SPOCK3: variants seen among roughly 807,000 people sequenced by gnomAD.
SPOCK3 encodes testican-3.
A neutral mutation model predicts 56.6 loss-of-function variants in SPOCK3; 30 were observed. The observed-to-expected ratio is 0.53, with a 90% confidence interval of 0.40 to 0.72. The LOEUF (loss-of-function observed/expected upper bound fraction) is 0.72, where lower values mean the gene tolerates loss of function less well. Among genes scored for constraint, SPOCK3 ranks in the 30% least tolerant of loss-of-function variants. SPOCK3 has a pLI of 0.00. For missense variants in SPOCK3, 527 were observed against 530.0 expected (o/e 0.99, Z 0.06); for synonymous variants, 196 against 183.3 (o/e 1.07, Z -0.56).
chr4:166,989,725 C>T (rs555703256), intron 4 of SPOCK3, among the ~76,000 whole-genome samples: 2 of 152,030 alleles, frequency 1.3e-5, no homozygotes, highest in African/African-American at 2.4e-5. Context: ...GTAATTCTTA[C>T]GTTTTTTTGG....
At chr4:166,933,429 C>T (rs771535581) in intron 4 of SPOCK3, among the ~76,000 whole-genome samples, 12 of 152,208 alleles carry the variant, frequency 7.9e-5, no homozygotes, top group Non-Finnish European at 1.8e-4. Context: ...AGCTCAAGTG[C>T]TGGTTCCACA....
chr4:167,100,885 A>G (rs1759580936), intron 2 of SPOCK3, among the ~76,000 whole-genome samples: 1 of 152,066 alleles, frequency 6.6e-6, no homozygotes, highest in South Asian at 2.1e-4. Flanking sequence ...CTAGTTTCTT[A>G]TGTTTGCATA....
At chr4:167,048,428 C>T (rs1726297671) in intron 3 of SPOCK3, among the ~76,000 whole-genome samples, 1 of 151,670 alleles carries the variant, frequency 6.6e-6, no homozygotes, top group Non-Finnish European at 1.5e-5. Flanking sequence ...CCAGACATGC[C>T]CAATATATAT....
intron 3 of SPOCK3, among the ~76,000 whole-genome samples, chr4:167,050,470 C>A (rs1754097139): frequency 6.6e-6 from 1 of 152,084 alleles, no homozygotes; most frequent in South Asian, 2.1e-4. Flanking sequence ...TAAAAGCATG[C>A]AGTTGCTGTC....
At chr4:166,996,537 GC>G (rs1308714978) in intron 4 of SPOCK3, among the ~76,000 whole-genome samples, 1 of 152,108 alleles carries the variant, frequency 6.6e-6, no homozygotes, top group Non-Finnish European at 1.5e-5. Context: ...TCATATTAAA[GC>G]ATCTAAATAA....
chr4:167,222,341 A>G (rs1419626164), intron 2 of SPOCK3, among the ~76,000 whole-genome samples: 1 of 151,944 alleles, frequency 6.6e-6, no homozygotes, highest in Non-Finnish European at 1.5e-5. Flanking sequence ...TCAGTTCTGC[A>G]ATGAAAAAGT....
intron 7 of SPOCK3, among the ~76,000 whole-genome samples, chr4:166,789,463 A>C (rs148729267): frequency 0.015 from 2,309 of 152,066 alleles, 67 homozygotes; most frequent in African/African-American, 0.053. Context: ...AAAACCAAAA[A>C]CAAAAACACC....
chr4:166,856,625 T>C (rs1325497344), intron 6 of SPOCK3, among the ~76,000 whole-genome samples: 3 of 151,910 alleles, frequency 2.0e-5, no homozygotes, highest in Non-Finnish European at 4.4e-5. Flanking sequence ...ACTACAAAAA[T>C]TAGCAGGGTG....
At chr4:166,969,804 C>T (rs1193069707) in intron 4 of SPOCK3, among the ~76,000 whole-genome samples, 1 of 152,140 alleles carries the variant, frequency 6.6e-6, no homozygotes, top group African/African-American at 2.4e-5. Flanking sequence ...GTCATTCCAT[C>T]AAAGCCTCCT....
At chr4:166,767,331 T>G (rs1738231181) in intron 7 of SPOCK3, among the ~76,000 whole-genome samples, 2 of 134,244 alleles carry the variant, frequency 1.5e-5, no homozygotes, top group African/African-American at 5.3e-5. Flanking sequence ...CATTTAGTGC[T>G]ATAAATTTCC....
At chr4:167,100,551 A>C (rs991603423) in intron 2 of SPOCK3, among the ~76,000 whole-genome samples, 2 of 151,830 alleles carry the variant, frequency 1.3e-5, no homozygotes, top group African/African-American at 4.8e-5. Context: ...TTATTAATCA[A>C]TGTAGAGTCA....
At chr4:166,754,788 C>CA in intron 7 of SPOCK3, 59 bp from the exon 8 acceptor site, 1 of 1,528,492 alleles carries the variant, frequency 6.5e-7, no homozygotes. Flanking sequence ...TAGCAGAAAG[C>CA]AAAATAAGTC....
rs369121126 is a variant in SPOCK3 at position 167,076,644 on chromosome 4, A to C, written c.190-14107T>G. Among the ~76,000 whole-genome samples the C allele has an allele frequency of 8.6e-5, 13 of 151,992 alleles. 1 individual carries two copies. The highest frequency in any genetic ancestry group is 3.1e-4 in the African/African-American group (13 of 41,532). ...TGTAAAAATTATACTCTGTATGTTCACAAATATCCCTTATAATGATAATCT... is the reference window on the plus strand; with the variant it reads ...TGTAAAAATTATACTCTGTATGTTCCCAAATATCCCTTATAATGATAATCT... On this transcript the variant is annotated intron_variant, in intron 2 of 10. Transcript: ENST00000357545.
At chr4:166,921,727 A>G (rs1738511230) in intron 4 of SPOCK3, among the ~76,000 whole-genome samples, 1 of 152,178 alleles carries the variant, frequency 6.6e-6, no homozygotes, top group Non-Finnish European at 1.5e-5. Context: ...AAAGACTATA[A>G]AAAAGCCTTT....
intron 5 of SPOCK3, among the ~76,000 whole-genome samples, chr4:166,910,186 C>A (rs62354110): frequency 6.6e-6 from 1 of 152,026 alleles, no homozygotes; most frequent in Non-Finnish European, 1.5e-5. Context: ...ATGGATGGTT[C>A]AAAGTGGAAA....
At chr4:167,042,253 G>A (rs1483878174) in intron 3 of SPOCK3, among the ~76,000 whole-genome samples, 1 of 152,136 alleles carries the variant, frequency 6.6e-6, no homozygotes, top group Non-Finnish European at 1.5e-5. Flanking sequence ...CAACCCATAT[G>A]CAGGTATTTT....
intron 3 of SPOCK3, among the ~76,000 whole-genome samples, chr4:167,025,229 T>A (rs1457582504): frequency 6.9e-6 from 1 of 144,050 alleles, no homozygotes; most frequent in Non-Finnish European, 1.6e-5. Context: ...TGCTTTTTTT[T>A]TTTTCCTTAG....
intron 6 of SPOCK3, among the ~76,000 whole-genome samples, chr4:166,832,555 A>T (rs1746192829): frequency 3.9e-5 from 6 of 152,188 alleles, no homozygotes; most frequent in African/African-American, 1.4e-4. Flanking sequence ...CAGTAACCCC[A>T]TTAGTGGTAT....
intron 7 of SPOCK3, among the ~76,000 whole-genome samples, chr4:166,769,562 G>C (rs941432589): frequency 2.0e-5 from 3 of 152,126 alleles, no homozygotes; most frequent in Non-Finnish European, 2.9e-5. Flanking sequence ...CGTCTCAGAG[G>C]GGTACCTGGC....
Sources: gnomAD v4.1 joint callset for allele counts (sites outside exome capture counted in the v4.1 genomes callset) on GRCh38, gnomAD v4.1.1 for gene constraint, MANE v1.5 for transcripts, NCBI Gene and HGNC (gene_info 2026-07-23, HGNC 2026-07-21) for gene names.